Variants in ELF1 observed in about 807,000 individuals in gnomAD.
ELF1 encodes ETS-related transcription factor Elf-1.
A neutral mutation model predicts 59.9 loss-of-function variants in ELF1; 24 were observed. The ratio of observed to expected loss-of-function variants is 0.40; its 90% CI spans 0.29 to 0.56. The LOEUF is 0.56. Among genes scored for constraint, ELF1 ranks in the 20% least tolerant of loss-of-function variants. The probability of loss-of-function intolerance (pLI) is 0.44; values close to 1 mark genes in which losing one functional copy is unlikely to be tolerated. For synonymous variants in ELF1, 248 were observed against 266.2 expected (o/e 0.93, Z 0.67); for missense variants, 627 against 742.2 (o/e 0.84, Z 1.80).
chr13:40,933,682 C>A lies in ELF1; in HGVS notation c.1603G>T (p.Val535Leu). ...TGTGAACTGCGAGGAGAAAAGGTCA[C>A]CACAGGTGCAGTAGCACTGAAGGAT... The part of the protein sequence containing the change: ...SPSFSATAPV[V>L]TFSPRSSQLV... The change falls in exon 9 of 9, where the codon GTG becomes TTG. Residue 535 changes from valine to leucine, a missense_variant. By Grantham distance (32) the Val-to-Leu change is conservative. Coordinates refer to ENST00000239882, the MANE Select transcript of ELF1 (RefSeq NM_172373.4). The A allele has an allele frequency of 6.2e-7, 1 of 1,614,256 alleles. No homozygotes were observed. Among genetic ancestry groups the A allele is most frequent in the Non-Finnish European group, 8.5e-7 (1 of 1,180,052 alleles).
intron 1 of ELF1, among the ~76,000 whole-genome samples, chr13:41,010,823 C>G (rs1480622941): frequency 6.6e-6 from 1 of 152,096 alleles, no homozygotes; most frequent in Non-Finnish European, 1.5e-5. Context: ...CTTATGACTT[C>G]TATTTCCATT....
chr13:41,038,342 C>A (rs1876468917), intron 1 of ELF1, among the ~76,000 whole-genome samples: 1 of 151,974 alleles, frequency 6.6e-6, no homozygotes. Flanking sequence ...TATGTTGAAA[C>A]CCCATCTCTA....
chr13:40,984,326 G>C (rs968506932), intron 1 of ELF1, among the ~76,000 whole-genome samples: 1 of 152,138 alleles, frequency 6.6e-6, no homozygotes, highest in Non-Finnish European at 1.5e-5. Flanking sequence ...CATTTTAGCA[G>C]GCTGGTGGGG....
intron 2 of ELF1, among the ~76,000 whole-genome samples, chr13:40,980,727 T>G (rs1231310961): frequency 6.6e-6 from 1 of 152,226 alleles, no homozygotes; most frequent in South Asian, 2.1e-4. Flanking sequence ...GAGGGCTGCA[T>G]AGTAAACACA....
At chr13:40,982,802 C>A in intron 1 of ELF1, 1 of 837,260 alleles carries the variant, frequency 1.2e-6, no homozygotes, top group Non-Finnish European at 1.4e-6. Context: ...AAATTAAAGC[C>A]CACTCTTTCT....
chr13:41,051,868 A>G (rs1437411474), intron 1 of ELF1, among the ~76,000 whole-genome samples: 1 of 151,924 alleles, frequency 6.6e-6, no homozygotes, highest in Non-Finnish European at 1.5e-5. Flanking sequence ...AATTTATAGA[A>G]TAGTTATTGC....
chr13:40,974,073 T>C (rs1405885083), intron 2 of ELF1, among the ~76,000 whole-genome samples: 1 of 152,210 alleles, frequency 6.6e-6, no homozygotes, highest in African/African-American at 2.4e-5. Context: ...TTTGGGGTGA[T>C]AAACATGTCC....
chr13:41,001,527 G>C (rs543243370), intron 1 of ELF1, among the ~76,000 whole-genome samples: 115 of 152,194 alleles, frequency 7.6e-4, no homozygotes, highest in Non-Finnish European at 1.3e-3. Context: ...CTTCAAAATA[G>C]AATATAAAGC....
Position 41,018,544 on chromosome 13 carries a change from A to G in ELF1, c.-229+684T>C, listed in dbSNP as rs1593398436. Among the ~76,000 whole-genome samples the G allele has an allele frequency of 3.3e-5, 5 of 152,216 alleles. 1 individual carries two copies. Among genetic ancestry groups the G allele is most frequent in the Admixed American group, 2.6e-4 (4 of 15,284 alleles). On this transcript the variant is annotated intron_variant, in intron 1 of 8. Coordinates refer to ENST00000239882, the MANE Select transcript of ELF1 (RefSeq NM_172373.4). ...AAACTTCATTTTTTTCTAATAGTAA[A>G]TGAATCATTCTAGTCTTTCTTCCTC...
chr13:41,006,972 A>G (rs1459604084), intron 1 of ELF1, among the ~76,000 whole-genome samples: 2 of 152,190 alleles, frequency 1.3e-5, no homozygotes, highest in Non-Finnish European at 2.9e-5. Context: ...AATTTTGAAT[A>G]AACACAATGG....
At chr13:41,030,748 C>T (rs1200391161) in intron 1 of ELF1, among the ~76,000 whole-genome samples, 1 of 149,704 alleles carries the variant, frequency 6.7e-6, no homozygotes, top group Non-Finnish European at 1.5e-5. Context: ...GATTCTGTCT[C>T]ACACACATAA....
chr13:40,933,558 T>C lies in ELF1; in HGVS notation c.1727A>G (p.Asp576Gly). ...TTTCTCAGTGTTCTCTTTCAAATGA[T>C]CTTCAGATTCCTTTTTCTCTACTTC... ...TQEVEKKESEDHLKENTEKTE... is the reference protein window; with the variant it reads ...TQEVEKKESEGHLKENTEKTE... The change falls in exon 9 of 9, where the codon GAT (aspartate) becomes GGT (glycine). Residue 576 changes from aspartate (D) to glycine (G), a missense_variant. This residue lies in a region of ELF1 where 361 missense variants were observed against 396.1 expected (regional missense o/e 0.91). Transcript: ENST00000239882. 6.2e-7 allele frequency: 1 copy of C among 1,614,256 alleles called. No individual in the cohort carries two copies. The highest frequency in any genetic ancestry group is 8.5e-7 in the Non-Finnish European group (1 of 1,180,048).
chr13:41,051,249 T>C (rs984323664), intron 1 of ELF1, among the ~76,000 whole-genome samples: 3 of 151,964 alleles, frequency 2.0e-5, no homozygotes, highest in Non-Finnish European at 4.4e-5. Flanking sequence ...GCATTCCCAC[T>C]CATATCTGAA....
intron 8 of ELF1, among the ~76,000 whole-genome samples, chr13:40,938,837 GA>G (rs1333532643): frequency 6.6e-6 from 1 of 151,536 alleles, no homozygotes; most frequent in African/African-American, 2.4e-5. Context: ...TAGTCAAAGA[GA>G]AAAAAAGGTA....
intron 1 of ELF1, among the ~76,000 whole-genome samples, chr13:41,039,896 T>C (rs924754641): frequency 5.3e-5 from 8 of 152,166 alleles, no homozygotes; most frequent in African/African-American, 1.9e-4. Context: ...GCATAAGGCA[T>C]GAATAGGCAC....
At chr13:41,000,659 T>A (rs575017542) in intron 1 of ELF1, among the ~76,000 whole-genome samples, 2 of 152,280 alleles carry the variant, frequency 1.3e-5, no homozygotes, top group South Asian at 4.1e-4. Flanking sequence ...TAAAGACACA[T>A]CCAGGAATTG....
chr13:40,948,851 C>A (rs866247125), intron 5 of ELF1, among the ~76,000 whole-genome samples: 10 of 152,246 alleles, frequency 6.6e-5, no homozygotes, highest in Admixed American at 2.0e-4. Context: ...CAAACAATAA[C>A]CCCTGGGAAG....
chr13:40,946,560 A>T (rs1870523518), intron 5 of ELF1, among the ~76,000 whole-genome samples: 1 of 152,084 alleles, frequency 6.6e-6, no homozygotes, highest in African/African-American at 2.4e-5. Context: ...ATCTTTTTTC[A>T]ATAAAGTTAC....
At chr13:40,980,706 C>T (rs1873208087) in intron 2 of ELF1, among the ~76,000 whole-genome samples, 1 of 152,174 alleles carries the variant, frequency 6.6e-6, no homozygotes, top group South Asian at 2.1e-4. Context: ...TATACAGCAT[C>T]TTTCATTTAA....
Sources: allele counts gnomAD v4.1 joint callset (sites outside exome capture counted in the v4.1 genomes callset), GRCh38; gene constraint gnomAD v4.1.1; regional missense constraint gnomAD v4.1.1; transcripts MANE v1.5; gene names NCBI Gene and HGNC (gene_info 2026-07-23, HGNC 2026-07-21).